Variants in MDGA2 observed in about 807,000 individuals in gnomAD.
MDGA2 encodes MAM domain containing glycosylphosphatidylinositol anchor 2, also known as MAM domain-containing glycosylphosphatidylinositol anchor protein 2.
MDGA2 carries 40 observed loss-of-function variants against 117.8 expected under a neutral mutation model. The ratio of observed to expected loss-of-function variants is 0.34; its 90% CI spans 0.26 to 0.44. The LOEUF (loss-of-function observed/expected upper bound fraction) is 0.44. Among genes scored for constraint, MDGA2 ranks in the 20% least tolerant of loss-of-function variants. The probability of loss-of-function intolerance (pLI) is 1.00; values close to 1 mark genes in which losing one functional copy is unlikely to be tolerated. For synonymous variants in MDGA2, 452 were observed against 439.0 expected (o/e 1.03, Z -0.37); for missense variants, 1,123 against 1,250.6 (o/e 0.90, Z 1.54).
At chr14:47,614,881 T>A (rs1047764445) in intron 1 of MDGA2, among the ~76,000 whole-genome samples, 2 of 152,214 alleles carry the variant, frequency 1.3e-5, no homozygotes, top group Admixed American at 6.5e-5. Flanking sequence ...CAGGTGGGGT[T>A]TGGATTTTTA....
rs1555349484 is a variant in MDGA2, at chr14:47,072,112, G to GGGGGC, written c.1196-10535_1196-10534insGCCCC. Among the ~76,000 whole-genome samples the GGGGGC allele has an allele frequency of 2.6e-4, 28 of 107,044 alleles. 1 individual carries two copies. Among genetic ancestry groups the GGGGGC allele is most frequent in the Non-Finnish European group, 4.0e-4 (20 of 50,398 alleles). 70.2% of individuals were successfully genotyped at this position (107,044 alleles called of 152,430 possible). A position where few individuals can be genotyped will look rare whatever the true frequency, so the allele number is the denominator to read the frequency against. On this transcript the variant is annotated intron_variant, in intron 6 of 16. Transcript: ENST00000399232. ...TGGTTGTTGTTGTTTGGGGGGGGGG[G>GGGGGC]GGTTTGCAGGTATTATATGTTGCAG...
chr14:47,349,278 G>C (rs999352546), intron 1 of MDGA2, among the ~76,000 whole-genome samples: 1 of 152,098 alleles, frequency 6.6e-6, no homozygotes, highest in South Asian at 2.1e-4. Context: ...CCTCTTTTTC[G>C]TTTCTTAAAT....
intron 8 of MDGA2, among the ~76,000 whole-genome samples, chr14:47,016,124 T>G (rs1249273165): frequency 6.6e-6 from 1 of 152,094 alleles, no homozygotes; most frequent in African/African-American, 2.4e-5. Context: ...AGTATCTAGG[T>G]TGAAAGAGTC....
chr14:47,205,784 A>AT (rs1458309743), intron 3 of MDGA2, among the ~76,000 whole-genome samples: 1 of 151,990 alleles, frequency 6.6e-6, no homozygotes, highest in Admixed American at 6.6e-5. Flanking sequence ...TTAGCTTAGC[A>AT]TTTCAGCTAC....
In MDGA2 at chr14:47,218,241, A is replaced by G. The variant is rs1035229074; in HGVS notation, c.421-46T>C. On this transcript the variant is annotated intron_variant, in intron 2 of 16. Coordinates refer to ENST00000399232, the MANE Select transcript of MDGA2 (RefSeq NM_001113498.3). ...ATTGTTACTTTAGGTTGGTTTTCCCACAGAGAAATCAAATAGCAATCACTC... is the reference window on the plus strand; with the variant it reads ...ATTGTTACTTTAGGTTGGTTTTCCCGCAGAGAAATCAAATAGCAATCACTC... 10 of 1,439,636 alleles carry G rather than the reference A, an allele frequency of 6.9e-6. No homozygotes were observed. In the African/African-American group the frequency reaches 1.3e-4, roughly 19 times the overall value. 89.2% of individuals were successfully genotyped at this position (1,439,636 alleles called of 1,614,324 possible). A position where few individuals can be genotyped will look rare whatever the true frequency, so the allele number is the denominator to read the frequency against.
intron 1 of MDGA2, among the ~76,000 whole-genome samples, chr14:47,434,437 A>C (rs1291273697): frequency 6.6e-6 from 1 of 152,108 alleles, no homozygotes; most frequent in Non-Finnish European, 1.5e-5. Context: ...TTTTGAGTTC[A>C]TAGCTTATTG....
chr14:47,478,760 G>A (rs1893893087), intron 1 of MDGA2, among the ~76,000 whole-genome samples: 1 of 152,142 alleles, frequency 6.6e-6, no homozygotes, highest in Non-Finnish European at 1.5e-5. Flanking sequence ...AACACATTGA[G>A]AAAAATCTCC....
chr14:47,629,317 G>A lies in MDGA2; in HGVS notation c.280+45200C>T, dbSNP rs149955233. Among the ~76,000 whole-genome samples, 309 of 152,282 alleles carry A rather than the reference G, an allele frequency of 2.0e-3. 7 individuals carry two copies. The East Asian group carries it at 0.047, about 23-fold the overall frequency. ...TCTGATTCATTTGAGCTGAGTGGAG[G>A]TTTACAGATATATTGGTATTATTGT... On this transcript the variant is annotated intron_variant, in intron 1 of 16. Transcript: ENST00000399232.
chr14:47,524,973 A>G lies in MDGA2; in HGVS notation c.280+149544T>C, dbSNP rs183363340. Among the ~76,000 whole-genome samples the G allele has an allele frequency of 7.9e-5, 12 of 152,364 alleles. No homozygotes were observed. In the East Asian group the frequency reaches 1.9e-3, roughly 24 times the overall value. ...TTACAGGAGTGCTCATTAAACTCAC[A>G]TTCAATTTAAGAATACCTTCTACAT... On this transcript the variant is annotated intron_variant, in intron 1 of 16. Coordinates refer to ENST00000399232, the MANE Select transcript of MDGA2 (RefSeq NM_001113498.3).
chr14:46,985,338 G>T (rs1298404871), intron 8 of MDGA2, among the ~76,000 whole-genome samples: 1 of 152,030 alleles, frequency 6.6e-6, no homozygotes, highest in African/African-American at 2.4e-5. Flanking sequence ...TGTTTCATCT[G>T]TGTAAGGAAT....
intron 1 of MDGA2, among the ~76,000 whole-genome samples, chr14:47,603,884 A>G (rs1321883767): frequency 6.6e-6 from 1 of 152,108 alleles, no homozygotes; most frequent in Non-Finnish European, 1.5e-5. Context: ...CTGGTTGTTT[A>G]GAAGTGTGTG....
chr14:47,381,700 C>T (rs564917635), intron 1 of MDGA2, among the ~76,000 whole-genome samples: 8 of 152,056 alleles, frequency 5.3e-5, no homozygotes, highest in South Asian at 4.2e-4. Context: ...CACTGCTCAA[C>T]GAAATAAAAG....
chr14:47,510,433 T>C (rs1197345407), intron 1 of MDGA2, among the ~76,000 whole-genome samples: 2 of 152,200 alleles, frequency 1.3e-5, no homozygotes, highest in Non-Finnish European at 2.9e-5. Flanking sequence ...AAATAAGACA[T>C]GAAAAGCCCT....
chr14:46,847,425 AC>A (rs1880884823), intron 15 of MDGA2, among the ~76,000 whole-genome samples: 1 of 151,966 alleles, frequency 6.6e-6, no homozygotes, highest in Non-Finnish European at 1.5e-5. Flanking sequence ...AATATTTAGA[AC>A]CAAGTTAGCA....
chr14:47,257,342 T>C (rs1353037114), intron 2 of MDGA2, among the ~76,000 whole-genome samples: 5 of 152,164 alleles, frequency 3.3e-5, no homozygotes, highest in Admixed American at 6.6e-5. Flanking sequence ...TCTCTTGTTT[T>C]GCCTCGGATA....
At chr14:47,265,902 C>T (rs1887950389) in intron 2 of MDGA2, among the ~76,000 whole-genome samples, 1 of 152,116 alleles carries the variant, frequency 6.6e-6, no homozygotes, top group Non-Finnish European at 1.5e-5. Context: ...ATCACAACAC[C>T]TACCACATAA....
chr14:47,078,825 T>C (rs77074874), intron 6 of MDGA2, among the ~76,000 whole-genome samples: 2,984 of 152,204 alleles, frequency 0.02, 103 homozygotes, highest in African/African-American at 0.067. Context: ...ATTCAGGACA[T>C]AGTTCTCTAG....
chr14:47,389,342 C>A (rs1224025319), intron 1 of MDGA2, among the ~76,000 whole-genome samples: 1 of 152,012 alleles, frequency 6.6e-6, no homozygotes, highest in South Asian at 2.1e-4. Flanking sequence ...AATTAAATAA[C>A]AAAAAGTCCC....
rs75545435 is a variant in MDGA2, at chr14:47,257,018, G to T, written c.421-38823C>A. On this transcript the variant is annotated intron_variant, in intron 2 of 16. Transcript: ENST00000399232. ...AAGGAAGGGGATAGGAATGGGGAAAGAAAAGGATATATACAGGAACAGTTA... is the reference window on the plus strand; with the variant it reads ...AAGGAAGGGGATAGGAATGGGGAAATAAAAGGATATATACAGGAACAGTTA... 8.0e-3 allele frequency among the ~76,000 whole-genome samples: 1,215 copies of T among 152,202 alleles called. 10 individuals are homozygous for T. Among genetic ancestry groups the T allele is most frequent in the Non-Finnish European group, 0.014 (934 of 67,988 alleles).
Sources: allele counts gnomAD v4.1 joint callset (sites outside exome capture counted in the v4.1 genomes callset), GRCh38; gene constraint gnomAD v4.1.1; transcripts MANE v1.5; gene names NCBI Gene and HGNC (gene_info 2026-07-23, HGNC 2026-07-21).